LAMC1: variants seen among roughly 807,000 people sequenced by gnomAD.
LAMC1 encodes the protein laminin subunit gamma-1.
LAMC1 carries 38 observed loss-of-function variants against 173.6 expected under a neutral mutation model. The ratio of observed to expected loss-of-function variants is 0.22; its 90% CI spans 0.17 to 0.29. The LOEUF is 0.29. Among genes scored for constraint, LAMC1 ranks in the 10% least tolerant of loss-of-function variants. The pLI, the probability that LAMC1 is intolerant of heterozygous loss-of-function variation, is 1.00. For synonymous variants in LAMC1, 746 were observed against 749.1 expected (o/e 1.00, Z 0.07); for missense variants, 1,824 against 2,051.8 (o/e 0.89, Z 2.14).
At chr1:183,057,857 A>T (rs1654637627) in intron 1 of LAMC1, among the ~76,000 whole-genome samples, 1 of 152,114 alleles carries the variant, frequency 6.6e-6, no homozygotes, top group Admixed American at 6.5e-5. Context: ...CTCTATTGAG[A>T]TGTTCTTTTT....
chr1:183,138,061 T>C (rs1360339358), intron 26 of LAMC1: 2 of 297,402 alleles, frequency 6.7e-6, no homozygotes, highest in African/African-American at 4.5e-5. Flanking sequence ...AAGTAAAACA[T>C]TGCTTTACAC....
chr1:183,117,896 C>A, intron 10 of LAMC1, 138 bp from the exon 11 acceptor site: 1 of 741,822 alleles, frequency 1.3e-6, no homozygotes, highest in Non-Finnish European at 2.2e-6. Context: ...AATTGTACTA[C>A]CAAACCAATA....
rs921247894 is a variant in LAMC1, at chr1:183,023,539, C to T, written c.-178C>T. 8.1e-5 allele frequency: 25 copies of T among 310,218 alleles called. No homozygotes were observed. The highest frequency in any genetic ancestry group is 3.3e-4 in the Admixed American group (6 of 18,250). 19.2% of individuals were successfully genotyped at this position (310,218 alleles called of 1,614,324 possible). On this transcript the variant is annotated 5_prime_UTR_variant, in exon 1 of 28. Coordinates refer to ENST00000258341, the MANE Select transcript of LAMC1 (RefSeq NM_002293.4). ...AGTGGTCGGCGAGCAGCGCGGTCCT[C>T]GCTAGGGGCGCCCACCCGTCAGTCT...
intron 1 of LAMC1, among the ~76,000 whole-genome samples, chr1:183,054,618 A>C (rs1189128189): frequency 1.3e-5 from 2 of 152,214 alleles, no homozygotes; most frequent in Non-Finnish European, 2.9e-5. Context: ...GGGTTTCAAG[A>C]TTAACCCACC....
chr1:183,053,689 G>C, intron 1 of LAMC1, among the ~76,000 whole-genome samples: 1 of 151,802 alleles, frequency 6.6e-6, no homozygotes, highest in East Asian at 1.9e-4. Flanking sequence ...GCAGTGGCAC[G>C]AACTTGGCTC....
At chr1:183,053,205 G>C (rs75189302) in intron 1 of LAMC1, among the ~76,000 whole-genome samples, 2 of 152,118 alleles carry the variant, frequency 1.3e-5, no homozygotes, top group Non-Finnish European at 2.9e-5. Flanking sequence ...CTTGGTTTCC[G>C]TGTCCATATT....
intron 1 of LAMC1, among the ~76,000 whole-genome samples, chr1:183,080,755 G>A (rs1453042146): frequency 6.6e-6 from 1 of 151,592 alleles, no homozygotes; most frequent in East Asian, 1.9e-4. Context: ...AGACTGTGTG[G>A]TAAGGTTTTA....
At chr1:183,117,027 C>A in intron 8 of LAMC1, 124 bp downstream of exon 8, 1 of 1,006,004 alleles carries the variant, frequency 9.9e-7, no homozygotes, top group Non-Finnish European at 1.4e-6. Flanking sequence ...TATTATTTAG[C>A]ATGCATAGTT....
At chr1:183,078,991 G>A (rs1464185681) in intron 1 of LAMC1, among the ~76,000 whole-genome samples, 1 of 152,072 alleles carries the variant, frequency 6.6e-6, no homozygotes, top group Non-Finnish European at 1.5e-5. Context: ...GCAAAACTCT[G>A]TCTTAAAAAA....
chr1:183,080,657 T>TC (rs1193551759), intron 1 of LAMC1, among the ~76,000 whole-genome samples: 234 of 152,022 alleles, frequency 1.5e-3, no homozygotes, highest in African/African-American at 4.6e-3. Flanking sequence ...GTTTTTTTTT[T>TC]CCATACTCAG....
At position 183,131,425 on chromosome 1, in the gene LAMC1, TGG is replaced by T. The variant is rs749994645; in HGVS notation, c.3566+50_3566+51del. ...AATGGTTAAGTTGTGGCTTCTGTTATGGGGTGTGTGTGTGTGTGTGTGTGTGT... is the reference window on the plus strand; with the variant it reads ...AATGGTTAAGTTGTGGCTTCTGTTATGGTGTGTGTGTGTGTGTGTGTGTGT... On this transcript the variant is annotated intron_variant, in intron 20 of 27. Transcript: ENST00000258341. 1.8e-3 allele frequency: 1,719 copies of T among 973,554 alleles called. 182 individuals carry two copies. Among genetic ancestry groups the T allele is most frequent in the African/African-American group, 9.8e-3 (372 of 38,044 alleles). The allele number at this position is 973,554 out of a possible 1,614,324, so 60.3% of individuals were successfully genotyped here.
chr1:183,084,178 A>G (rs1035726048), intron 1 of LAMC1, among the ~76,000 whole-genome samples: 1 of 152,032 alleles, frequency 6.6e-6, no homozygotes, highest in African/African-American at 2.4e-5. Context: ...TGTCTCTAGT[A>G]AAAAATACAA....
chr1:183,121,592 CAG>C, intron 11 of LAMC1, 129 bp from the exon 12 acceptor site: 3 of 679,708 alleles, frequency 4.4e-6, no homozygotes, highest in Non-Finnish European at 7.4e-6. Context: ...TTTAGTGTAT[CAG>C]AGCCCAGTTA....
At chr1:183,091,363 C>T (rs1412033502) in intron 1 of LAMC1, among the ~76,000 whole-genome samples, 4 of 152,070 alleles carry the variant, frequency 2.6e-5, no homozygotes, top group South Asian at 2.1e-4. Flanking sequence ...AGAAAAGCAG[C>T]GATAAACAGT....
chr1:183,129,554 C>T (rs1656725653), intron 18 of LAMC1, among the ~76,000 whole-genome samples: 1 of 133,906 alleles, frequency 7.5e-6, no homozygotes, highest in South Asian at 2.8e-4. Flanking sequence ...TTACCTTTGA[C>T]TTCTCATCTT....
intron 23 of LAMC1, 70 bp downstream of exon 23, chr1:183,134,879 A>G (rs932133547): frequency 4.1e-5 from 60 of 1,480,588 alleles, no homozygotes; most frequent in Non-Finnish European, 5.4e-5. Context: ...GTCTGTGATG[A>G]TGCCGTACTT....
At chr1:183,059,654 C>T (rs1226395728) in intron 1 of LAMC1, among the ~76,000 whole-genome samples, 1 of 152,126 alleles carries the variant, frequency 6.6e-6, no homozygotes, top group African/African-American at 2.4e-5. Context: ...TAATTTGTGG[C>T]CACTCAGGAC....
In LAMC1 at chr1:183,137,686, G is replaced by A; in HGVS notation, c.4332G>A (p.Lys1444=). The A allele has an allele frequency of 1.3e-6, 2 of 1,596,430 alleles. No individual in the cohort carries two copies. Among genetic ancestry groups the A allele is most frequent in the Non-Finnish European group, 8.5e-7 (1 of 1,171,832 alleles). Residue 1444 remains lysine, a synonymous_variant, in exon 26 of 28, where the codon AAG becomes AAA. Coordinates refer to ENST00000258341, the MANE Select transcript of LAMC1 (RefSeq NM_002293.4). The part of the protein sequence containing the change: ...SAVQKNATST[K]AEAERTFAEV... Reference sequence around the variant, plus strand: ...GTGCCTAGAATGCCACCAGCACCAAGGCAGAAGCTGAAAGAACTTTTGCAG... The same window carrying A: ...GTGCCTAGAATGCCACCAGCACCAAAGCAGAAGCTGAAAGAACTTTTGCAG...
Position 183,117,660 on chromosome 1 carries a change from C to T in LAMC1, c.1814C>T (p.Ser605Phe). 1 of 1,614,222 alleles carries T rather than the reference C, an allele frequency of 6.2e-7. No individual in the cohort carries two copies. The highest frequency in any genetic ancestry group is 1.3e-5 in the African/African-American group (1 of 75,072). Residue 605 changes from serine (S) to phenylalanine (F), a missense_variant, in exon 10 of 28, where the codon TCT becomes TTT. Coordinates refer to ENST00000258341, the MANE Select transcript of LAMC1 (RefSeq NM_002293.4). ...CTTGAGGGAGCTGGCTTAAGAGTAT[C>T]TGTACCCTTGATCGCTCAGGGCAAT... ...LVLEGAGLRV[S>F]VPLIAQGNSY...
Sources: allele counts gnomAD v4.1 joint callset (sites outside exome capture counted in the v4.1 genomes callset), GRCh38; gene constraint gnomAD v4.1.1; transcripts MANE v1.5; gene names NCBI Gene and HGNC (gene_info 2026-07-23, HGNC 2026-07-21).